FBXO7: variants seen among roughly 807,000 people sequenced by gnomAD.
FBXO7 encodes F-box protein 7.
FBXO7 carries 31 observed loss-of-function variants against 50.2 expected under a neutral mutation model. That is an observed-to-expected ratio of 0.62 (90% CI 0.46 to 0.83). The LOEUF (loss-of-function observed/expected upper bound fraction) is 0.83, where lower values mean the gene tolerates loss of function less well. Ranked by LOEUF, FBXO7 falls within the 40% of genes least tolerant of loss-of-function variation. The probability of loss-of-function intolerance (pLI) is 0.00; values close to 1 mark genes in which losing one functional copy is unlikely to be tolerated. For missense variants in FBXO7, 667 were observed against 646.6 expected (o/e 1.03, Z -0.34); for synonymous variants, 256 against 253.1 (o/e 1.01, Z -0.11).
chr22:32,492,746 A>G (rs966391543), intron 6 of FBXO7: 1 of 275,616 alleles, frequency 3.6e-6, no homozygotes, highest in Non-Finnish European at 7.0e-6. Flanking sequence ...CCAGTGAATT[A>G]TTCATTTTCT....
At chr22:32,496,584 G>A (rs1022994750) in intron 8 of FBXO7, among the ~76,000 whole-genome samples, 2 of 152,152 alleles carry the variant, frequency 1.3e-5, no homozygotes, top group African/African-American at 4.8e-5. Flanking sequence ...ATCATTTATG[G>A]CATGGTTTAC....
intron 6 of FBXO7, chr22:32,492,096 TGGTGGGATGG>T (rs1248451889): frequency 6.6e-6 from 1 of 152,098 alleles, no homozygotes; most frequent in African/African-American, 2.4e-5. Flanking sequence ...AGCCTGATGG[TGGTGGGATGG>T]GGAAGTATAA....
In FBXO7 at chr22:32,493,219, A is replaced by G. The variant is rs765132485; in HGVS notation, c.1082A>G (p.Asp361Gly). ...TTGTCTTTGTCTGCGGTTTGTCGTG[A>G]CCTCTTTACTGCTTCAAATGACCCA... The part of the protein sequence containing the change: ...SVLSLSAVCR[D>G]LFTASNDPLL... The change falls in exon 7 of 9, where the codon GAC (aspartate) becomes GGC (glycine). Residue 361 changes from aspartate to glycine, a missense_variant. Transcript: ENST00000266087. 93 of 1,613,966 alleles carry G rather than the reference A, an allele frequency of 5.8e-5. 2 individuals are homozygous for G. The South Asian group carries it at 8.5e-4, about 15-fold the overall frequency.
At chr22:32,485,309 G>A (rs537078357) in intron 4 of FBXO7, 100 bp downstream of exon 4, 12 of 1,421,478 alleles carry the variant, frequency 8.4e-6, no homozygotes, top group Non-Finnish European at 1.2e-5. Flanking sequence ...TCATGATACA[G>A]TTGTGAGTCC....
rs144041512 is a variant in FBXO7, at chr22:32,484,143, A to T, written c.645+19A>T. ...ACCTCAGGTAAGTACTGCAAGCAAA[A>T]CACAGACATCTTATGATTGCTCATA... On this transcript the variant is annotated intron_variant, in intron 3 of 8. Transcript: ENST00000266087. 1.3e-6 allele frequency: 2 copies of T among 1,591,378 alleles called. No individual in the cohort carries two copies. The highest frequency in any genetic ancestry group is 1.7e-5 in the Admixed American group (1 of 60,014).
At chr22:32,476,092 C>T (rs909348810) in intron 1 of FBXO7, 2 of 152,084 alleles carry the variant, frequency 1.3e-5, no homozygotes, top group African/African-American at 4.8e-5. Flanking sequence ...TACGTTTTCA[C>T]CTTATTTTTA....
At chr22:32,496,349 G>A (rs775608173) in intron 8 of FBXO7, among the ~76,000 whole-genome samples, 5 of 152,140 alleles carry the variant, frequency 3.3e-5, no homozygotes, top group African/African-American at 1.2e-4. Context: ...GGATGTGGTG[G>A]TGTGGACCTG....
At chr22:32,475,514 C>A in intron 1 of FBXO7, 1 of 1,291,628 alleles carries the variant, frequency 7.7e-7, no homozygotes, top group East Asian at 2.7e-5. Context: ...TGGGTTAAAC[C>A]TTTCTGGACT....
At chr22:32,495,396 T>G in intron 7 of FBXO7, 97 bp from the exon 8 acceptor site, 1 of 702,830 alleles carries the variant, frequency 1.4e-6, no homozygotes, top group Non-Finnish European at 2.5e-6. Context: ...GCTTAACGGG[T>G]AAGTTTCACT....
chr22:32,475,269 C>A (rs1041417152), intron 1 of FBXO7, 145 bp downstream of exon 1: 8 of 1,570,676 alleles, frequency 5.1e-6, no homozygotes, highest in Admixed American at 3.9e-5. Context: ...GGGGCCTTCA[C>A]GGGAGGCCCG....
At chr22:32,482,551 G>A (rs1216649035) in intron 2 of FBXO7, among the ~76,000 whole-genome samples, 2 of 152,158 alleles carry the variant, frequency 1.3e-5, no homozygotes, top group African/African-American at 4.8e-5. Context: ...GCCCTGAACT[G>A]CAAGTTTAGA....
chr22:32,498,479 C>T lies in FBXO7; in HGVS notation c.1518C>T (p.Pro506=). 2 of 1,614,158 alleles carry T rather than the reference C, an allele frequency of 1.2e-6. No individual in the cohort carries two copies. The highest frequency in any genetic ancestry group is 8.5e-7 in the Non-Finnish European group (1 of 1,180,030). ...GAGGCGGCCCCAATGACAGATTTCCCTTTAGACCCAGCAGGGGTCGGCCAA... is the reference window on the plus strand; with the variant it reads ...GAGGCGGCCCCAATGACAGATTTCCTTTTAGACCCAGCAGGGGTCGGCCAA... The part of the protein sequence containing the change: ...PGRGGPNDRF[P]FRPSRGRPTD... The change falls in exon 9 of 9, where the codon CCC becomes CCT. Residue 506 remains proline (P), a synonymous_variant. Transcript: ENST00000266087.
At chr22:32,492,927 A>G in intron 6 of FBXO7, 178 bp from the exon 7 acceptor site, 1 of 670,634 alleles carries the variant, frequency 1.5e-6, no homozygotes, top group Non-Finnish European at 2.7e-6. Context: ...AATAGTAATT[A>G]TAGTCAAGCT....
At position 32,485,180 on chromosome 22, in the gene FBXO7, T is replaced by A; in HGVS notation, c.758T>A (p.Val253Glu). ...GGCAGCTCCGCTACTCTCACCTGTG[T>A]GCCTTTGGGAAACCTGATTGTTGTA... ...CEGSSATLTC[V>E]PLGNLIVVNA... Residue 253 changes from valine (V) to glutamate (E), a missense_variant, in exon 4 of 9, where the codon GTG becomes GAG. Transcript: ENST00000266087. The A allele has an allele frequency of 3.7e-6, 6 of 1,614,206 alleles. No individual in the cohort carries two copies. Among genetic ancestry groups the A allele is most frequent in the Non-Finnish European group, 5.1e-6 (6 of 1,180,020 alleles).
chr22:32,479,381 C>CATTTTAT (rs1437014357), intron 2 of FBXO7, 106 bp downstream of exon 2: 1 of 893,052 alleles, frequency 1.1e-6, no homozygotes, highest in African/African-American at 1.7e-5. Flanking sequence ...ATAGATTGCA[C>CATTTTAT]ATTTTATATA....
At position 32,485,097 on chromosome 22, in the gene FBXO7, G is replaced by A. The variant is rs749321931; in HGVS notation, c.675G>A (p.Pro225=). The A allele has an allele frequency of 1.2e-5, 19 of 1,614,022 alleles. No individual in the cohort carries two copies. Among genetic ancestry groups the A allele is most frequent in the African/African-American group, 5.3e-5 (4 of 74,908 alleles). ...QGTEAKALSM[P]EKWKLSGVYK... is the part of the protein sequence containing the mutation. ...CCGAAGCCAAAGCACTGTCCATGCC[G>A]GAGAAGTGGAAGTTGAGCGGGGTGT... Residue 225 remains proline, a synonymous_variant, in exon 4 of 9, where the codon CCG becomes CCA. Transcript: ENST00000266087.
At chr22:32,487,035 A>G (rs1223534953) in intron 4 of FBXO7, among the ~76,000 whole-genome samples, 1 of 115,454 alleles carries the variant, frequency 8.7e-6, no homozygotes, top group Admixed American at 1.0e-4. Flanking sequence ...GAATGTCTTG[A>G]TGATTTCCTA....
chr22:32,482,497 A>G (rs1032701846), intron 2 of FBXO7, among the ~76,000 whole-genome samples: 1 of 152,238 alleles, frequency 6.6e-6, no homozygotes, highest in Non-Finnish European at 1.5e-5. Context: ...CAAACTTAAT[A>G]TAGGTAACTT....
In FBXO7 at chr22:32,498,167, A is replaced by G; in HGVS notation, c.1206A>G (p.Gln402=). The G allele has an allele frequency of 1.2e-6, 2 of 1,614,182 alleles. No homozygotes were observed. The highest frequency in any genetic ancestry group is 3.3e-5 in the Admixed American group (2 of 60,026). The change falls in exon 9 of 9, where the codon CAA becomes CAG. Residue 402 remains glutamine (Q), a synonymous_variant. Transcript: ENST00000266087. ...WKELYRKRHI[Q]RKESPKGRFV... is the part of the protein sequence containing the mutation. ...AGCTGTACAGGAAGAGGCACATACA[A>G]AGAAAAGAATCCCCGAAAGGGCGGT...
Sources: allele counts gnomAD v4.1 joint callset (sites outside exome capture counted in the v4.1 genomes callset), GRCh38; gene constraint gnomAD v4.1.1; transcripts MANE v1.5; gene names NCBI Gene and HGNC (gene_info 2026-07-23, HGNC 2026-07-21).